MYRIP: variants seen among roughly 807,000 people sequenced by gnomAD.
The protein encoded by MYRIP is rab effector MyRIP.
MYRIP carries 49 observed loss-of-function variants against 98.0 expected under a neutral mutation model. The ratio of observed to expected loss-of-function variants is 0.50; its 90% CI spans 0.40 to 0.63. MYRIP has a LOEUF of 0.63. Among genes scored for constraint, MYRIP ranks in the 30% least tolerant of loss-of-function variants. The pLI is 0.00. For missense variants in MYRIP, 1,004 were observed against 1,058.2 expected, an observed-to-expected ratio of 0.95 and a Z score of 0.71; for synonymous variants, 404 against 409.5, an observed-to-expected ratio of 0.99 and a Z score of 0.16.
intron 2 of MYRIP, among the ~76,000 whole-genome samples, chr3:40,014,523 G>A (rs1230110323): frequency 1.3e-5 from 2 of 152,044 alleles, no homozygotes; most frequent in Non-Finnish European, 2.9e-5. Context: ...CCTGTACCTG[G>A]GACACTTGGA....
intron 3 of MYRIP, among the ~76,000 whole-genome samples, chr3:40,077,610 G>A (rs1438978970): frequency 6.6e-6 from 1 of 152,104 alleles, no homozygotes; most frequent in African/African-American, 2.4e-5. Context: ...GGTGCTGTTT[G>A]GTGTGTTTAC....
At chr3:40,070,146 A>G (rs561936683) in intron 3 of MYRIP, among the ~76,000 whole-genome samples, 1 of 152,196 alleles carries the variant, frequency 6.6e-6, no homozygotes, top group East Asian at 1.9e-4. Flanking sequence ...ACAGAACATA[A>G]TACTTGATCA....
intron 2 of MYRIP, among the ~76,000 whole-genome samples, chr3:39,961,024 C>A (rs1945312082): frequency 6.6e-6 from 1 of 152,138 alleles, no homozygotes; most frequent in African/African-American, 2.4e-5. Context: ...ACAGCAGTTT[C>A]CTCTTCTCAT....
intron 11 of MYRIP, among the ~76,000 whole-genome samples, chr3:40,233,594 A>C (rs952652128): frequency 6.6e-6 from 1 of 152,114 alleles, no homozygotes; most frequent in Non-Finnish European, 1.5e-5. Flanking sequence ...TACAGTTTCC[A>C]CTCTAGCACT....
chr3:39,910,858 G>T (rs1440730256), intron 2 of MYRIP, among the ~76,000 whole-genome samples: 2 of 152,086 alleles, frequency 1.3e-5, no homozygotes, highest in Non-Finnish European at 2.9e-5. Flanking sequence ...TCCCAATTTT[G>T]TTTAGGATTA....
intron 4 of MYRIP, among the ~76,000 whole-genome samples, chr3:40,154,096 C>T (rs1019492559): frequency 6.6e-5 from 10 of 151,122 alleles, no homozygotes; most frequent in African/African-American, 2.4e-4. Flanking sequence ...GCCGAGATTG[C>T]ACCACTGCAC....
chr3:40,055,633 C>T (rs1947869817), intron 3 of MYRIP, among the ~76,000 whole-genome samples: 1 of 152,158 alleles, frequency 6.6e-6, no homozygotes, highest in Non-Finnish European at 1.5e-5. Flanking sequence ...CATACCATAC[C>T]AAGGACATGA....
chr3:40,167,010 G>T, intron 6 of MYRIP, 67 bp downstream of exon 6: 1 of 1,411,824 alleles, frequency 7.1e-7, no homozygotes, highest in Non-Finnish European at 1.0e-6. Flanking sequence ...CCAGGAGAAA[G>T]TGCAGGTTGT....
At chr3:39,843,266 A>G (rs1213855901) in intron 1 of MYRIP, among the ~76,000 whole-genome samples, 1 of 152,228 alleles carries the variant, frequency 6.6e-6, no homozygotes, top group East Asian at 1.9e-4. Flanking sequence ...TGAGCATAAT[A>G]ATTTATTTTA....
intron 3 of MYRIP, among the ~76,000 whole-genome samples, chr3:40,120,258 T>A (rs1949373451): frequency 6.6e-6 from 1 of 152,224 alleles, no homozygotes; most frequent in African/African-American, 2.4e-5. Flanking sequence ...CTGTTATAAC[T>A]AAAGTCCAGA....
chr3:40,134,997 C>G (rs1177037796), intron 3 of MYRIP, among the ~76,000 whole-genome samples: 3 of 152,208 alleles, frequency 2.0e-5, no homozygotes, highest in Non-Finnish European at 4.4e-5. Context: ...CAAAGGAACG[C>G]AGCTCCTCAC....
chr3:40,031,904 C>G (rs1165853658), intron 2 of MYRIP, among the ~76,000 whole-genome samples: 2 of 151,704 alleles, frequency 1.3e-5, no homozygotes, highest in Non-Finnish European at 2.9e-5. Context: ...TCTTGCTAGC[C>G]GTCTATCAAT....
At chr3:40,166,726 C>T (rs1950507473) in intron 5 of MYRIP, 120 bp from the exon 6 acceptor site, 5 of 671,912 alleles carry the variant, frequency 7.4e-6, no homozygotes, top group Non-Finnish European at 1.0e-5. Context: ...CTTTGTGTGC[C>T]ATGGTAAACA....
intron 1 of MYRIP, among the ~76,000 whole-genome samples, chr3:39,858,987 A>G (rs939653097): frequency 1.3e-5 from 2 of 152,066 alleles, no homozygotes; most frequent in Admixed American, 1.3e-4. Flanking sequence ...AACTACAGAA[A>G]GAATAATAAG....
At chr3:39,868,510 C>G (rs1412023382) in intron 1 of MYRIP, among the ~76,000 whole-genome samples, 1 of 152,242 alleles carries the variant, frequency 6.6e-6, no homozygotes, top group Admixed American at 6.5e-5. Context: ...CCCTGGGTAC[C>G]TCTCCAAACC....
At chr3:40,024,523 A>G (rs541524607) in intron 2 of MYRIP, among the ~76,000 whole-genome samples, 5 of 151,540 alleles carry the variant, frequency 3.3e-5, no homozygotes, top group African/African-American at 1.2e-4. Flanking sequence ...TGATGAGCCT[A>G]CAGACTTGGA....
chr3:40,160,966 C>A (rs918037468), intron 4 of MYRIP, among the ~76,000 whole-genome samples: 2 of 152,170 alleles, frequency 1.3e-5, no homozygotes, highest in Non-Finnish European at 2.9e-5. Flanking sequence ...CCGTCTTCTG[C>A]GTCGCTCACG....
chr3:40,174,499 C>T (rs1012216682), intron 8 of MYRIP: 1 of 152,186 alleles, frequency 6.6e-6, no homozygotes, highest in African/African-American at 2.4e-5. Flanking sequence ...GTTATGTACC[C>T]AGCGGGTCCC....
chr3:40,135,315 T>A (rs1949740296), intron 3 of MYRIP, among the ~76,000 whole-genome samples: 2 of 151,742 alleles, frequency 1.3e-5, no homozygotes, highest in South Asian at 2.1e-4. Flanking sequence ...AAATGAAGCA[T>A]GAAGAGAAGT....
Sources: allele counts gnomAD v4.1 joint callset (sites outside exome capture counted in the v4.1 genomes callset), GRCh38; gene constraint gnomAD v4.1.1; transcripts MANE v1.5; gene names NCBI Gene and HGNC (gene_info 2026-07-23, HGNC 2026-07-21).